OBSL1: variants seen among roughly 807,000 people sequenced by gnomAD.
OBSL1 encodes the protein obscurin-like protein 1.
OBSL1 carries 160 observed loss-of-function variants against 172.0 expected under a neutral mutation model. That is an observed-to-expected ratio of 0.93 (90% CI 0.82 to 1.06). The LOEUF is 1.06. Ranked by LOEUF, OBSL1 falls within the 50% of genes least tolerant of loss-of-function variation. OBSL1 has a pLI of 0.00. For missense variants in OBSL1, 2,681 were observed against 2,715.4 expected, an observed-to-expected ratio of 0.99 and a Z score of 0.28; for synonymous variants, 1,200 against 1,196.3, an observed-to-expected ratio of 1.00 and a Z score of -0.06.
At chr2:219,569,900 A>G (rs991189093) in intron 1 of OBSL1, among the ~76,000 whole-genome samples, 6 of 152,182 alleles carry the variant, frequency 3.9e-5, no homozygotes, top group African/African-American at 1.4e-4. Context: ...GGAGGAGTAA[A>G]ATAACAAAGA....
At chr2:219,553,540 A>G in intron 16 of OBSL1, 34 bp downstream of exon 16, 4 of 1,489,340 alleles carry the variant, frequency 2.7e-6, no homozygotes, top group Non-Finnish European at 3.7e-6. Flanking sequence ...TTGGTGTTAC[A>G]CTGAAGTGGG....
rs1440787494 is a variant in OBSL1, at chr2:219,552,523, C to G, written c.5308+13G>C. The G allele has an allele frequency of 1.3e-6, 2 of 1,592,898 alleles. No homozygotes were observed. Among genetic ancestry groups the G allele is most frequent in the Non-Finnish European group, 1.7e-6 (2 of 1,176,114 alleles). On this transcript the variant is annotated intron_variant, in intron 18 of 20. Coordinates refer to ENST00000404537, the MANE Select transcript of OBSL1 (RefSeq NM_015311.3). ...GCAGCGAGGGGCCCGAAAGGGTAAC[C>G]AGGCGGGCAGACCTTCCTGTCGGAT...
rs766007675 is a variant in OBSL1 at position 219,557,931 on chromosome 2, G to A, written c.3682C>T (p.Arg1228Ter). Reference protein sequence around the residue: ...GLELHAEGPRRVLCIQAAGPA... With the variant: ...GLELHAEGPR ...CCTGCAGCCTGGATGCAGAGGACTCGGCGGGGGCCCTCGGCATGGAGCTCT... is the reference window on the plus strand; with the variant it reads ...CCTGCAGCCTGGATGCAGAGGACTCAGCGGGGGCCCTCGGCATGGAGCTCT... The change falls in exon 11 of 21, where the codon CGA (arginine) becomes TGA (stop). Residue 1228 changes from arginine (R) to a stop codon, truncating the protein, a stop_gained. Transcript: ENST00000404537. LOFTEE classifies it high-confidence loss of function. 5.0e-6 allele frequency: 8 copies of A among 1,605,412 alleles called. No individual in the cohort carries two copies. Among genetic ancestry groups the A allele is most frequent in the East Asian group, 2.2e-5 (1 of 44,844 alleles).
At chr2:219,549,436 G>A, downstream of OBSL1, 2 of 1,489,830 alleles carry the variant, frequency 1.3e-6, no homozygotes, top group Non-Finnish European at 1.8e-6. Flanking sequence ...TTCCCCACGG[G>A]CTGGTTGCTA....
At chr2:219,559,037 G>A in intron 9 of OBSL1, 188 bp downstream of exon 9, 1 of 578,606 alleles carries the variant, frequency 1.7e-6, no homozygotes, top group South Asian at 2.4e-5. Context: ...GGTTCTAATT[G>A]CTGGGCACCC....
chr2:219,547,908 A>G, downstream of OBSL1: 2 of 1,596,182 alleles, frequency 1.3e-6, no homozygotes, highest in East Asian at 2.2e-5. Flanking sequence ...GCCGCTGACT[A>G]CTTCGCCGAG....
In OBSL1 at chr2:219,567,935, G is replaced by A. The variant is rs201913713; in HGVS notation, c.1317C>T (p.Asp439=). The A allele has an allele frequency of 2.9e-5, 46 of 1,613,866 alleles. No individual in the cohort carries two copies. In the East Asian group the frequency reaches 8.7e-4, roughly 30 times the overall value. ...PILKRLPRKL[D]VLEGENAVLL... Reference sequence around the variant, plus strand: ...GCACAGCATTCTCTCCTTCCAGGACGTCGAGCTTCCGGGGCAGGCGCTTCA... The same window carrying A: ...GCACAGCATTCTCTCCTTCCAGGACATCGAGCTTCCGGGGCAGGCGCTTCA... Residue 439 remains aspartate, a synonymous_variant, in exon 3 of 21, where the codon GAC becomes GAT. Coordinates refer to ENST00000404537, the MANE Select transcript of OBSL1 (RefSeq NM_015311.3).
rs776882174 is a variant in OBSL1 at position 219,554,644 on chromosome 2, G to A, written c.4706C>T (p.Thr1569Ile). Residue 1569 changes from threonine (T) to isoleucine (I), a missense_variant, in exon 15 of 21, where the codon ACC becomes ATC. Thr to Ile is a moderately conservative substitution (Grantham distance 89). This residue lies in a region of OBSL1 where 1,765 missense variants were observed against 1,748.3 expected (regional missense o/e 1.01). Coordinates refer to ENST00000404537, the MANE Select transcript of OBSL1 (RefSeq NM_015311.3). ...FQLELSQEGVTGEWARGGVQL... is the reference protein window; with the variant it reads ...FQLELSQEGVIGEWARGGVQL... ...TACTCCACCCCGGGCCCACTCCCCGGTCACACCTTCCTGGGACAGCTCCAG... is the reference window on the plus strand; with the variant it reads ...TACTCCACCCCGGGCCCACTCCCCGATCACACCTTCCTGGGACAGCTCCAG... The A allele has an allele frequency of 6.2e-7, 1 of 1,610,126 alleles. No homozygotes were observed. Among genetic ancestry groups the A allele is most frequent in the East Asian group, 2.2e-5 (1 of 44,690 alleles).
At position 219,565,244 on chromosome 2, in the gene OBSL1, T is replaced by G. The variant is rs556037537; in HGVS notation, c.2405A>C (p.Gln802Pro). ...GVSAFFGVTVQDPPVHIVDPR... is the reference protein window; with the variant it reads ...GVSAFFGVTVPDPPVHIVDPR... ...CCCAGGCTGGCATGCTTCCTGACCT[T>G]GGACAGTGACGCCGAAGAAGGCCGA... is the stretch of plus-strand genomic sequence containing the variant. The change falls in exon 6 of 21, where the codon CAA (glutamine) becomes CCA (proline). Residue 802 changes from glutamine to proline, a missense_variant and splice_region_variant. Physicochemically the swap from Gln to Pro is moderately conservative, Grantham distance 76. Transcript: ENST00000404537. 6 of 1,608,488 alleles carry G rather than the reference T, an allele frequency of 3.7e-6. No homozygotes were observed. In the South Asian group the frequency reaches 6.6e-5, roughly 18 times the overall value.
Position 219,557,953 on chromosome 2 carries a change from C to G in OBSL1, c.3660G>C (p.Glu1220Asp), listed in dbSNP as rs1696154908. ...CTCGGCGGGGGCCCTCGGCATGGAG[C>G]TCTAGGCCCTCGCCCTCCTGCACGG... ...GRPVQEGEGL[E>D]LHAEGPRRVL... is the part of the protein sequence containing the mutation. Residue 1220 changes from glutamate to aspartate, a missense_variant, in exon 11 of 21, where the codon GAG becomes GAC. Physicochemically the swap from Glu to Asp is conservative, Grantham distance 45. Around this residue, in one of 5 missense-constraint regions of OBSL1, gnomAD observed 1,765 missense variants for 1,748.3 expected, o/e 1.01. Transcript: ENST00000404537. The G allele has an allele frequency of 1.4e-5, 22 of 1,607,332 alleles. No individual in the cohort carries two copies. Among genetic ancestry groups the G allele is most frequent in the Non-Finnish European group, 1.8e-5 (21 of 1,178,982 alleles).
intron 14 of OBSL1, among the ~76,000 whole-genome samples, chr2:219,554,968 T>C (rs1473171087): frequency 6.7e-6 from 1 of 150,312 alleles, no homozygotes; most frequent in East Asian, 2.0e-4. Flanking sequence ...GGGGGAGAAG[T>C]GTGGTTAGGG....
intron 17 of OBSL1, 38 bp downstream of exon 17, chr2:219,552,830 C>T (rs907999859): frequency 8.4e-6 from 13 of 1,539,766 alleles, no homozygotes; most frequent in Non-Finnish European, 1.1e-5. Context: ...GTCTCGCGCC[C>T]AAAGCAGTGC....
At position 219,552,101 on chromosome 2, in the gene OBSL1, C is replaced by A. The variant is rs755935565; in HGVS notation, c.5413+11G>T. The A allele has an allele frequency of 1.2e-6, 2 of 1,600,188 alleles. No homozygotes were observed. The highest frequency in any genetic ancestry group is 1.7e-6 in the Non-Finnish European group (2 of 1,173,500). On this transcript the variant is annotated intron_variant, in intron 19 of 20. Transcript: ENST00000404537. ...TGTACACTCTCTGTCGCTCCCACCC[C>A]AGGTGCTTACCCTCCACTTCCAGTA...
chr2:219,550,610 G>A (rs1695549190), downstream of OBSL1: 4 of 573,852 alleles, frequency 7.0e-6, no homozygotes, highest in East Asian at 8.6e-5. Flanking sequence ...GGTCTTTGGT[G>A]GCTGGCACTT....
chr2:219,550,682 T>C, downstream of OBSL1: 1 of 1,039,854 alleles, frequency 9.6e-7, no homozygotes. Context: ...GCACAGGGGC[T>C]CCAGGCAAGG....
At chr2:219,548,212 G>A (rs545573102), downstream of OBSL1, 213 of 873,522 alleles carry the variant, frequency 2.4e-4, 1 homozygote, top group African/African-American at 2.6e-3. Context: ...CTTGCTCAGG[G>A]TCTGGGAGGA....
Position 219,566,829 on chromosome 2 carries a change from C to T in OBSL1, c.2134+1G>A, listed in dbSNP as rs1696928123. ...CCACTCAGGTCCCCACTGGCACCAACCTTGGATTGTGAGGGCAGCTGAGTC... is the reference window on the plus strand; with the variant it reads ...CCACTCAGGTCCCCACTGGCACCAATCTTGGATTGTGAGGGCAGCTGAGTC... On this transcript the variant is annotated splice_donor_variant, in intron 5 of 20. Coordinates refer to ENST00000404537, the MANE Select transcript of OBSL1 (RefSeq NM_015311.3). LOFTEE classifies it high-confidence loss of function. 1 of 1,575,040 alleles carries T rather than the reference C, an allele frequency of 6.3e-7. No homozygotes were observed. Among genetic ancestry groups the T allele is most frequent in the South Asian group, 1.2e-5 (1 of 86,722 alleles).
chr2:219,551,830 AG>A, intron 19 of OBSL1, 32 bp from the exon 20 acceptor site: 1 of 1,410,178 alleles, frequency 7.1e-7, no homozygotes, highest in Non-Finnish European at 9.8e-7. Flanking sequence ...TTAAGTTAAT[AG>A]GGACACGCAT....
Position 219,552,557 on chromosome 2 carries a change from G to C in OBSL1, c.5287C>G (p.Arg1763Gly). ...LGGRPLRPGA[R>G]VRIRQEGKKH... ...AGACCTTCCTGTCGGATGCGGACGC[G>C]GGCTCCGGGTCTCAGCGGGCGGCCT... Residue 1763 changes from arginine (R) to glycine (G), a missense_variant, in exon 18 of 21, where the codon CGC (arginine) becomes GGC (glycine). By Grantham distance (125) the Arg-to-Gly change is moderately radical. Transcript: ENST00000404537. 3.1e-6 allele frequency: 5 copies of C among 1,596,200 alleles called. No homozygotes were observed. Among genetic ancestry groups the C allele is most frequent in the Non-Finnish European group, 4.2e-6 (5 of 1,177,562 alleles).
Sources: allele counts gnomAD v4.1 joint callset (sites outside exome capture counted in the v4.1 genomes callset), GRCh38; gene constraint gnomAD v4.1.1; regional missense constraint gnomAD v4.1.1; transcripts MANE v1.5; gene names NCBI Gene and HGNC (gene_info 2026-07-23, HGNC 2026-07-21).